Variants in CSMD1 observed in about 807,000 individuals in gnomAD.
CSMD1 encodes CUB and sushi domain-containing protein 1.
CSMD1 carries 213 observed loss-of-function variants against 417.5 expected under a neutral mutation model. The ratio of observed to expected loss-of-function variants is 0.51; its 90% CI spans 0.46 to 0.57. The LOEUF is 0.57. Among genes scored for constraint, CSMD1 ranks in the 20% least tolerant of loss-of-function variants. CSMD1 has a pLI of 0.00. For synonymous variants in CSMD1, 2,862 were observed against 1,736.8 expected (o/e 1.65, Z -16.11); for missense variants, 6,923 against 4,529.7 (o/e 1.53, Z -15.17).
At chr8:3,424,029 C>A (rs2116989292) in intron 12 of CSMD1, among the ~76,000 whole-genome samples, 1 of 152,232 alleles carries the variant, frequency 6.6e-6, no homozygotes, top group Non-Finnish European at 1.5e-5. Flanking sequence ...TCTTCCGTAC[C>A]ATTTTAAAAA....
chr8:3,403,035 T>C (rs1032566298), intron 15 of CSMD1, among the ~76,000 whole-genome samples: 1 of 152,144 alleles, frequency 6.6e-6, no homozygotes, highest in African/African-American at 2.4e-5. Flanking sequence ...AATGTAAAAT[T>C]ATAGTGGACT....
intron 67 of CSMD1, 31 bp downstream of exon 67, chr8:2,950,200 G>T (rs772191931): frequency 1.5e-6 from 2 of 1,362,212 alleles, no homozygotes; most frequent in Admixed American, 1.7e-5. Context: ...GAAAGCCTGT[G>T]CTTTGTCACA....
At chr8:4,449,383 A>C (rs945514576) in intron 2 of CSMD1, among the ~76,000 whole-genome samples, 6 of 152,170 alleles carry the variant, frequency 3.9e-5, no homozygotes, top group African/African-American at 2.4e-5. Flanking sequence ...CTGGTGTATA[A>C]CATAAGAGAT....
At chr8:4,384,145 C>T (rs1803287436) in intron 3 of CSMD1, among the ~76,000 whole-genome samples, 1 of 152,176 alleles carries the variant, frequency 6.6e-6, no homozygotes, top group African/African-American at 2.4e-5. Context: ...CTTGAGCCTC[C>T]TCCCTTGGGA....
chr8:2,947,120 G>C (rs533928710), intron 68 of CSMD1, among the ~76,000 whole-genome samples: 1 of 152,258 alleles, frequency 6.6e-6, no homozygotes, highest in African/African-American at 2.4e-5. Context: ...CTGGATACAA[G>C]TCACTTATCA....
chr8:3,270,823 G>C (rs1321810777), intron 26 of CSMD1, among the ~76,000 whole-genome samples: 2 of 152,134 alleles, frequency 1.3e-5, no homozygotes, highest in African/African-American at 4.8e-5. Context: ...ATAAAGAAAA[G>C]AGTTTTAATT....
chr8:3,145,987 T>C (rs984070146), intron 40 of CSMD1, among the ~76,000 whole-genome samples: 8 of 152,332 alleles, frequency 5.3e-5, no homozygotes, highest in Admixed American at 2.0e-4. Context: ...TAGTTTTTAG[T>C]TGATAGAACC....
intron 1 of CSMD1, among the ~76,000 whole-genome samples, chr8:4,697,046 C>G (rs1357158240): frequency 6.6e-6 from 1 of 152,044 alleles, no homozygotes; most frequent in Non-Finnish European, 1.5e-5. Flanking sequence ...GTGGTGCGTG[C>G]CTGTAATCCC....
At chr8:3,075,280 CT>C (rs567862698) in intron 49 of CSMD1, among the ~76,000 whole-genome samples, 170 of 39,346 alleles carry the variant, frequency 4.3e-3, no homozygotes, top group Middle Eastern at 0.02. Flanking sequence ...TTCTTTCTTT[CT>C]TTTTTTTTTT....
At position 3,319,901 on chromosome 8, in the gene CSMD1, A is replaced by G. The variant is rs144058649; in HGVS notation, c.3632-11398T>C. 3.3e-3 allele frequency among the ~76,000 whole-genome samples: 499 copies of G among 152,304 alleles called. 2 individuals carry two copies. The highest frequency in any genetic ancestry group is 0.011 in the African/African-American group (477 of 41,564). Reference sequence around the variant, plus strand: ...GATGGGAATATCAAATTGATGACTCATTAAAAAAACTTTTATTTTAATGGA... The same window carrying G: ...GATGGGAATATCAAATTGATGACTCGTTAAAAAAACTTTTATTTTAATGGA... On this transcript the variant is annotated intron_variant, in intron 23 of 69. Coordinates refer to ENST00000635120, the MANE Select transcript of CSMD1 (RefSeq NM_033225.6).
intron 7 of CSMD1, among the ~76,000 whole-genome samples, chr8:3,636,037 T>C (rs905149747): frequency 3.9e-5 from 6 of 151,988 alleles, no homozygotes; most frequent in African/African-American, 1.4e-4. Flanking sequence ...ATATTTTCAG[T>C]CTTAATATCC....
chr8:3,789,141 G>C (rs572777339), intron 5 of CSMD1, among the ~76,000 whole-genome samples: 5 of 152,108 alleles, frequency 3.3e-5, no homozygotes, highest in Non-Finnish European at 7.4e-5. Context: ...TTGTTTTAGA[G>C]CAATGCCCCA....
At chr8:4,180,078 G>A (rs928256651) in intron 3 of CSMD1, among the ~76,000 whole-genome samples, 4 of 152,072 alleles carry the variant, frequency 2.6e-5, no homozygotes, top group Non-Finnish European at 2.9e-5. Flanking sequence ...CCATTACTGG[G>A]TATATACCCA....
At chr8:4,047,552 A>G (rs1798212953) in intron 3 of CSMD1, among the ~76,000 whole-genome samples, 1 of 149,202 alleles carries the variant, frequency 6.7e-6, no homozygotes, top group South Asian at 2.1e-4. Context: ...TTCCACAAAT[A>G]TTTATAGAAT....
At chr8:4,033,956 T>A (rs925819073) in intron 3 of CSMD1, among the ~76,000 whole-genome samples, 2 of 152,212 alleles carry the variant, frequency 1.3e-5, no homozygotes, top group African/African-American at 2.4e-5. Context: ...AATTAGCTGC[T>A]ATTTAGTATT....
At chr8:3,287,208 T>C (rs1489567555) in intron 25 of CSMD1, among the ~76,000 whole-genome samples, 1 of 134,456 alleles carries the variant, frequency 7.4e-6, no homozygotes, top group African/African-American at 2.8e-5. Context: ...ACTGTAGCCT[T>C]GTAGTACAGT....
intron 5 of CSMD1, among the ~76,000 whole-genome samples, chr8:3,880,830 C>T (rs1030049890): frequency 3.3e-5 from 5 of 152,130 alleles, no homozygotes; most frequent in East Asian, 1.9e-4. Context: ...CTAAAAATAA[C>T]GTAATGACCT....
chr8:3,423,276 G>A (rs1312829439), intron 12 of CSMD1, among the ~76,000 whole-genome samples: 1 of 152,098 alleles, frequency 6.6e-6, no homozygotes, highest in Non-Finnish European at 1.5e-5. Context: ...CCAAAATCAT[G>A]GTATGGAGGC....
At position 3,307,810 on chromosome 8, in the gene CSMD1, C is replaced by G. The variant is rs1804997833; in HGVS notation, c.3835G>C (p.Gly1279Arg). 1.2e-6 allele frequency: 2 copies of G among 1,612,638 alleles called. No individual in the cohort carries two copies. Residue 1279 changes from glycine (G) to arginine (R), a missense_variant, in exon 25 of 70, where the codon GGT becomes CGT. Transcript: ENST00000635120. Reference sequence around the variant, plus strand: ...CCTGATGTGGCTGCATGGATCTGACCACCACATTCCGCTGTAGAAGACACA... The same window carrying G: ...CCTGATGTGGCTGCATGGATCTGACGACCACATTCCGCTGTAGAAGACACA... ...PLPSCIAECG[G>R]QIHAATSGRI...
Sources: allele counts gnomAD v4.1 joint callset (sites outside exome capture counted in the v4.1 genomes callset), GRCh38; gene constraint gnomAD v4.1.1; transcripts MANE v1.5; gene names NCBI Gene and HGNC (gene_info 2026-07-23, HGNC 2026-07-21).